Variants in ARSL observed in about 807,000 individuals in gnomAD.
ARSL encodes arylsulfatase L, also known as arylsulfatase E (chondrodysplasia punctata 1).
In ARSL, 4 loss-of-function variants were observed where a neutral mutation model predicts 31.1. That is an observed-to-expected ratio of 0.13 (90% CI 0.06 to 0.29). The LOEUF (loss-of-function observed/expected upper bound fraction) is 0.29. ARSL is among the 10% of genes least tolerant of loss of function. The pLI is 1.00. For missense variants in ARSL, 312 were observed against 497.8 expected, an observed-to-expected ratio of 0.63 and a Z score of 3.55; for synonymous variants, 198 against 209.9, an observed-to-expected ratio of 0.94 and a Z score of 0.49.
chrX:2,936,592 TAA>T, intron 10 of ARSL, 148 bp downstream of exon 10: 1 of 788,839 alleles, frequency 1.3e-6, no homozygotes, highest in Non-Finnish European at 1.8e-6. Context: ...AAACTAAATT[TAA>T]AAAGCTCGTG....
At chrX:2,946,246 T>C in intron 6 of ARSL, 112 bp from the exon 7 acceptor site, 1 of 665,073 alleles carries the variant, frequency 1.5e-6, no homozygotes, top group South Asian at 2.7e-5. Flanking sequence ...AAATGTCTTC[T>C]CAACTCTGCT....
At chrX:2,944,961 GGAA>G (rs779993427) in intron 7 of ARSL, among the ~76,000 whole-genome samples, 1,141 of 108,010 alleles carry the variant, frequency 0.011, 16 homozygotes, top group African/African-American at 0.036. Context: ...AAGTGGAAGA[GGAA>G]GAAGAAGGAG....
chrX:2,944,305 T>C (rs750354393), intron 7 of ARSL, among the ~76,000 whole-genome samples: 85 of 108,593 alleles, frequency 7.8e-4, no homozygotes, highest in African/African-American at 2.7e-3. Context: ...AGTACAAAAA[T>C]TAGCCAGGCA....
At chrX:2,935,466 G>C (rs188940961) in intron 10 of ARSL, among the ~76,000 whole-genome samples, 1 of 112,029 alleles carries the variant, frequency 8.9e-6, no homozygotes, top group Non-Finnish European at 1.9e-5. Flanking sequence ...CATTCACATT[G>C]AATGTCAAGG....
chrX:2,961,153 G>A (rs934362135), intron 1 of ARSL, among the ~76,000 whole-genome samples: 53 of 111,367 alleles, frequency 4.8e-4, no homozygotes, highest in African/African-American at 1.6e-3. Flanking sequence ...GAGAGGGGGC[G>A]ACCATTGCCC....
intron 2 of ARSL, among the ~76,000 whole-genome samples, chrX:2,959,389 G>A (rs7881434): frequency 9.8e-4 from 109 of 111,738 alleles, no homozygotes; most frequent in African/African-American, 3.3e-3. Flanking sequence ...GAACATTTCC[G>A]CAGGGGTTGG....
At chrX:2,951,981 G>A in intron 5 of ARSL, among the ~76,000 whole-genome samples, 1 of 104,746 alleles carries the variant, frequency 9.5e-6, no homozygotes, top group African/African-American at 3.8e-5. Flanking sequence ...CACTAGTCAT[G>A]TTGTTTGTTA....
At position 2,950,937 on chromosome X, in the gene ARSL, C is replaced by G. The variant is rs183352516; in HGVS notation, c.431-1210G>C. 4.5e-5 allele frequency among the ~76,000 whole-genome samples: 5 copies of G among 110,692 alleles called. No individual in the cohort carries two copies. The East Asian group carries it at 1.4e-3, about 32-fold the overall frequency. On this transcript the variant is annotated intron_variant, in intron 5 of 10. Transcript: ENST00000381134. ...TATCCCTTGGCTTGTGGTCGCCTCA[C>G]TTTAATCACACTGCTTTCTCCTCTC...
intron 5 of ARSL, among the ~76,000 whole-genome samples, chrX:2,951,477 T>A (rs1444096858): frequency 9.1e-6 from 1 of 109,385 alleles, no homozygotes; most frequent in Non-Finnish European, 1.9e-5. Context: ...CTCTTCTGTC[T>A]TAGAAAAATT....
intron 3 of ARSL, 145 bp from the exon 4 acceptor site, chrX:2,955,682 A>G: frequency 1.4e-6 from 1 of 694,334 alleles, no homozygotes; most frequent in East Asian, 3.6e-5. Flanking sequence ...GGTAATGTCA[A>G]AGATTTCTAA....
At position 2,949,556 on chromosome X, in the gene ARSL, A is replaced by T. The variant is rs1406380589; in HGVS notation, c.602T>A (p.Phe201Tyr). Residue 201 changes from phenylalanine (F) to tyrosine (Y), a missense_variant, in exon 6 of 11, where the codon TTC becomes TAC. Transcript: ENST00000381134. The part of the protein sequence containing the change: ...VNLEQKLNFL[F>Y]QVLALVALTL... Reference sequence around the variant, plus strand: ...GAGGGCAACCAAGGCCAGGACTTGGAAGAGGAAGTTGAGTTTTTGTTCCAG... The same window carrying T: ...GAGGGCAACCAAGGCCAGGACTTGGTAGAGGAAGTTGAGTTTTTGTTCCAG... 2.5e-6 allele frequency: 3 copies of T among 1,208,539 alleles called. No homozygotes were observed. The highest frequency in any genetic ancestry group is 3.5e-5 in the African/African-American group (2 of 56,717).
chrX:2,936,966 A>G, intron 9 of ARSL, 103 bp from the exon 10 acceptor site: 1 of 1,077,740 alleles, frequency 9.3e-7, no homozygotes, highest in Non-Finnish European at 1.3e-6. Context: ...CACTCTCCTT[A>G]TGTTGTATCA....
At chrX:2,959,782 G>A (rs1428362567) in intron 2 of ARSL, 6 of 1,065,884 alleles carry the variant, frequency 5.6e-6, no homozygotes, top group South Asian at 2.4e-5. Context: ...GCGGTCAGGC[G>A]TGGTGGCTCA....
intron 1 of ARSL, among the ~76,000 whole-genome samples, chrX:2,961,863 T>G (rs1463588167): frequency 9.1e-6 from 1 of 109,496 alleles, no homozygotes; most frequent in African/African-American, 3.3e-5. Flanking sequence ...CCAGGGTTTT[T>G]TTTTTTTTTT....
chrX:2,955,311 C>G, intron 4 of ARSL, 105 bp downstream of exon 4: 1 of 997,867 alleles, frequency 1.0e-6, no homozygotes, highest in Admixed American at 2.7e-5. Context: ...AGAACACCCC[C>G]CAGTCTCTAT....
chrX:2,955,400 G>A lies in ARSL; in HGVS notation c.307+16C>T, dbSNP rs751241786. 8.3e-7 allele frequency: 1 copy of A among 1,210,391 alleles called. No individual in the cohort carries two copies. Among genetic ancestry groups the A allele is most frequent in the East Asian group, 3.0e-5 (1 of 33,786 alleles). ...CACCAGGCTGCACCCTAGTGCAGTT[G>A]TAAAGAGAGACTGACCTGATCGCAC... On this transcript the variant is annotated intron_variant, in intron 4 of 10. Coordinates refer to ENST00000381134, the MANE Select transcript of ARSL (RefSeq NM_000047.3).
intron 8 of ARSL, among the ~76,000 whole-genome samples, chrX:2,942,716 C>T (rs913305928): frequency 8.9e-6 from 1 of 111,757 alleles, no homozygotes; most frequent in African/African-American, 3.3e-5. Flanking sequence ...CACACTTACA[C>T]GCAGACATAC....
upstream of ARSL, among the ~76,000 whole-genome samples, chrX:2,964,939 T>C (rs2089685311): frequency 3.6e-5 from 4 of 110,677 alleles, no homozygotes; most frequent in South Asian, 1.6e-3. Flanking sequence ...ACCCTGTCTC[T>C]ATAAATAATA....
chrX:2,958,447 T>C lies in ARSL; in HGVS notation c.24-12A>G, dbSNP rs766142853. On this transcript the variant is annotated splice_polypyrimidine_tract_variant and intron_variant, in intron 2 of 10. Coordinates refer to ENST00000381134, the MANE Select transcript of ARSL (RefSeq NM_000047.3). ...TCCTGAAACACAAACTGTCAGAGAC[T>C]GCGTCATGCTCCTGTCCATCTCATT... The C allele has an allele frequency of 5.8e-6, 7 of 1,210,096 alleles. No homozygotes were observed. The highest frequency in any genetic ancestry group is 5.2e-5 in the African/African-American group (3 of 57,340).
Sources: gnomAD v4.1 joint callset for allele counts (sites outside exome capture counted in the v4.1 genomes callset) on GRCh38, gnomAD v4.1.1 for gene constraint, MANE v1.5 for transcripts, NCBI Gene and HGNC (gene_info 2026-07-23, HGNC 2026-07-21) for gene names.